The following RBMS3 variants were observed in gnomAD, a reference collection of about 807,000 sequenced individuals.
RBMS3 encodes RNA-binding motif, single-stranded-interacting protein 3.
A neutral mutation model predicts 66.8 loss-of-function variants in RBMS3; 27 were observed. The observed-to-expected ratio is 0.40, with a 90% CI of 0.30 to 0.56. RBMS3 has a LOEUF of 0.56. Among genes scored for constraint, RBMS3 ranks in the 20% least tolerant of loss-of-function variants. The pLI is 0.40. For synonymous variants in RBMS3, 188 were observed against 183.0 expected, an observed-to-expected ratio of 1.03 and a Z score of -0.22; for missense variants, 513 against 549.5, an observed-to-expected ratio of 0.93 and a Z score of 0.66.
chr3:29,654,778 T>G (rs75425162), intron 4 of RBMS3, among the ~76,000 whole-genome samples: 1 of 145,818 alleles, frequency 6.9e-6, no homozygotes, highest in Non-Finnish European at 1.5e-5. Context: ...TTTTTTTTTT[T>G]GTAGAGACAG....
chr3:29,381,498 G>A (rs1343419525), intron 1 of RBMS3, among the ~76,000 whole-genome samples: 1 of 152,176 alleles, frequency 6.6e-6, no homozygotes, highest in African/African-American at 2.4e-5. Flanking sequence ...TGAAGTAGGG[G>A]TGGGGGATGC....
intron 6 of RBMS3, among the ~76,000 whole-genome samples, chr3:29,863,206 G>C (rs940270700): frequency 6.6e-5 from 10 of 151,372 alleles, no homozygotes; most frequent in African/African-American, 2.4e-4. Flanking sequence ...ATCAAACACC[G>C]GAGCCTGTTG....
At chr3:29,938,593 A>C (rs1233297115) in intron 11 of RBMS3, among the ~76,000 whole-genome samples, 1 of 151,914 alleles carries the variant, frequency 6.6e-6, no homozygotes, top group Non-Finnish European at 1.5e-5. Flanking sequence ...TTAGACTGTC[A>C]CTCTAATTCT....
chr3:29,755,585 C>T (rs1437634756), intron 5 of RBMS3, among the ~76,000 whole-genome samples: 1 of 152,134 alleles, frequency 6.6e-6, no homozygotes, highest in African/African-American at 2.4e-5. Flanking sequence ...AAACGTTTAC[C>T]ACCCTGAGAG....
At chr3:29,675,867 T>C (rs6795194) in intron 4 of RBMS3, among the ~76,000 whole-genome samples, 17,400 of 152,132 alleles carry the variant, frequency 0.11, 2,152 homozygotes, top group African/African-American at 0.31. Flanking sequence ...GACAGTGTGG[T>C]GATTCCTCAA....
chr3:29,807,770 T>TA (rs1559692748), intron 6 of RBMS3, among the ~76,000 whole-genome samples: 2 of 150,722 alleles, frequency 1.3e-5, no homozygotes, highest in South Asian at 2.1e-4. Flanking sequence ...ACCAAAAAAA[T>TA]AAAAAAGTAC....
chr3:29,536,686 G>C (rs933001806), intron 3 of RBMS3, among the ~76,000 whole-genome samples: 4 of 152,204 alleles, frequency 2.6e-5, no homozygotes, highest in African/African-American at 9.6e-5. Context: ...GCAACATATT[G>C]AGTTTGTGAT....
intron 6 of RBMS3, among the ~76,000 whole-genome samples, chr3:29,814,145 G>A (rs1206141400): frequency 6.6e-6 from 1 of 151,466 alleles, no homozygotes; most frequent in Non-Finnish European, 1.5e-5. Context: ...ATTATTTTGA[G>A]ATACATCCCA....
chr3:29,682,074 T>C (rs578007751), intron 4 of RBMS3, among the ~76,000 whole-genome samples: 1 of 152,234 alleles, frequency 6.6e-6, no homozygotes, highest in Non-Finnish European at 1.5e-5. Context: ...AGCATCTCAA[T>C]GGATCCACAA....
intron 1 of RBMS3, among the ~76,000 whole-genome samples, chr3:29,370,819 G>C (rs75080919): frequency 0.017 from 2,600 of 152,268 alleles, 80 homozygotes; most frequent in African/African-American, 0.059. Context: ...AAAAGACCTT[G>C]ATTAGAATTC....
intron 10 of RBMS3, among the ~76,000 whole-genome samples, chr3:29,932,819 A>G (rs985520077): frequency 6.6e-6 from 1 of 152,194 alleles, no homozygotes; most frequent in African/African-American, 2.4e-5. Flanking sequence ...TACGCCACAC[A>G]TGATGATCTT....
intron 3 of RBMS3, among the ~76,000 whole-genome samples, chr3:29,579,184 C>T (rs1452509769): frequency 6.6e-6 from 1 of 152,118 alleles, no homozygotes; most frequent in Non-Finnish European, 1.5e-5. Flanking sequence ...TGTATCTTTC[C>T]GGGTTGTTGC....
chr3:29,728,857 T>C (rs1034069925), intron 4 of RBMS3, among the ~76,000 whole-genome samples: 1 of 152,104 alleles, frequency 6.6e-6, no homozygotes, highest in Non-Finnish European at 1.5e-5. Flanking sequence ...GCATATGGCT[T>C]TACAGGGCCA....
chr3:29,311,218 TTCTCTTATTA>T (rs920115904), intron 1 of RBMS3, among the ~76,000 whole-genome samples: 3 of 151,758 alleles, frequency 2.0e-5, no homozygotes, highest in Admixed American at 6.6e-5. Context: ...GTTTGTTAGG[TTCTCTTATTA>T]TCTCCGGAGA....
rs374866610 is a variant in RBMS3, at chr3:29,443,267, G to C, written c.248+8352G>C. Among the ~76,000 whole-genome samples the C allele has an allele frequency of 5.9e-5, 9 of 152,104 alleles. No homozygotes were observed. In the East Asian group the frequency reaches 1.2e-3, roughly 20 times the overall value. On this transcript the variant is annotated intron_variant, in intron 2 of 14. Transcript: ENST00000383767. The stretch of plus-strand genomic sequence containing the variant: ...TGATATTTATGATACCCAATAGCTC[G>C]TCTGCTTCAGTACTGCCATGGTCTT...
intron 6 of RBMS3, among the ~76,000 whole-genome samples, chr3:29,787,238 T>C (rs191030231): frequency 2.0e-5 from 3 of 152,180 alleles, no homozygotes; most frequent in Admixed American, 6.5e-5. Flanking sequence ...TAGGTGGGAA[T>C]GTAAACTAGT....
At chr3:29,599,186 A>G (rs2048063658) in intron 4 of RBMS3, among the ~76,000 whole-genome samples, 1 of 151,142 alleles carries the variant, frequency 6.6e-6, no homozygotes, top group Non-Finnish European at 1.5e-5. Context: ...CTACTATTTG[A>G]TAACATAATA....
chr3:29,656,002 T>C (rs921076383), intron 4 of RBMS3, among the ~76,000 whole-genome samples: 2 of 151,852 alleles, frequency 1.3e-5, no homozygotes, highest in Non-Finnish European at 2.9e-5. Context: ...AATAAGGATA[T>C]GAAGAAAGAA....
At chr3:29,664,767 A>T (rs960196965) in intron 4 of RBMS3, among the ~76,000 whole-genome samples, 2 of 152,182 alleles carry the variant, frequency 1.3e-5, no homozygotes, top group Admixed American at 6.5e-5. Flanking sequence ...TTGGATGTTA[A>T]TTAAAACCCT....
Sources: allele counts gnomAD v4.1 joint callset (sites outside exome capture counted in the v4.1 genomes callset), GRCh38; gene constraint gnomAD v4.1.1; transcripts MANE v1.5; gene names NCBI Gene and HGNC (gene_info 2026-07-23, HGNC 2026-07-21).